Variants in MAPK8 observed in about 807,000 individuals in gnomAD.
MAPK8 encodes the protein mitogen-activated protein kinase 8, also known as JUN N-terminal kinase.
MAPK8 carries 13 observed loss-of-function variants against 52.9 expected under a neutral mutation model. That is an observed-to-expected ratio of 0.25 (90% CI 0.16 to 0.39). The LOEUF is 0.39. Ranked by LOEUF, MAPK8 falls within the 10% of genes least tolerant of loss-of-function variation. The pLI is 1.00. For missense variants in MAPK8, 300 were observed against 519.2 expected, an observed-to-expected ratio of 0.58 and a Z score of 4.10; for synonymous variants, 191 against 169.8, an observed-to-expected ratio of 1.12 and a Z score of -0.97.
chr10:48,385,936 A>G (rs2041286699), intron 1 of MAPK8, among the ~76,000 whole-genome samples: 1 of 152,158 alleles, frequency 6.6e-6, no homozygotes. Flanking sequence ...TTTGCCATGG[A>G]ATCTTTTTTT....
At chr10:48,380,217 G>A (rs1006848485) in intron 1 of MAPK8, among the ~76,000 whole-genome samples, 1 of 152,006 alleles carries the variant, frequency 6.6e-6, no homozygotes, top group Admixed American at 6.6e-5. Flanking sequence ...ACTCCACCCT[G>A]GGCAACAGAG....
intron 1 of MAPK8, among the ~76,000 whole-genome samples, chr10:48,400,399 C>G (rs1354914562): frequency 2.0e-5 from 3 of 152,120 alleles, no homozygotes. Context: ...ATTTTTAACT[C>G]CTTTAGGCCT....
intron 1 of MAPK8, among the ~76,000 whole-genome samples, chr10:48,384,020 G>A (rs2132764098): frequency 6.6e-6 from 1 of 152,274 alleles, no homozygotes; most frequent in Middle Eastern, 3.4e-3. Context: ...ACTTTGGGAG[G>A]CCAAGGCAGG....
intron 1 of MAPK8, among the ~76,000 whole-genome samples, chr10:48,393,663 G>C (rs1401989125): frequency 2.0e-5 from 3 of 152,040 alleles, no homozygotes; most frequent in Non-Finnish European, 2.9e-5. Flanking sequence ...TAAAGTGTCT[G>C]CTTTATTGTT....
chr10:48,381,930 T>C (rs2041029670), intron 1 of MAPK8, among the ~76,000 whole-genome samples: 1 of 152,126 alleles, frequency 6.6e-6, no homozygotes, highest in African/African-American at 2.4e-5. Flanking sequence ...CCAAGTATGA[T>C]TATGAAGGGG....
chr10:48,334,662 C>T (rs2132279687), intron 1 of MAPK8, among the ~76,000 whole-genome samples: 1 of 152,258 alleles, frequency 6.6e-6, no homozygotes, highest in Middle Eastern at 3.4e-3. Flanking sequence ...GATTCATCTC[C>T]CTTTTCGGCC....
chr10:48,393,264 C>T (rs1486141680), intron 1 of MAPK8, among the ~76,000 whole-genome samples: 1 of 151,744 alleles, frequency 6.6e-6, no homozygotes, highest in African/African-American at 2.4e-5. Context: ...TTGATATTTC[C>T]ATTTGAATGT....
intron 1 of MAPK8, among the ~76,000 whole-genome samples, chr10:48,357,235 T>C (rs1392416264): frequency 6.6e-6 from 1 of 152,224 alleles, no homozygotes; most frequent in Non-Finnish European, 1.5e-5. Flanking sequence ...GTTTCACATC[T>C]GTAACATCTG....
intron 1 of MAPK8, among the ~76,000 whole-genome samples, chr10:48,356,841 C>CAAAAAAAAAAAAAAAAAAAAAAAA (rs869186711): frequency 3.3e-5 from 1 of 30,268 alleles, no homozygotes; most frequent in Non-Finnish European, 6.6e-5. Flanking sequence ...GACTCCGTCT[C>CAAAAAAAAAAAAAAAAAAAAAAAA]AAAAAAAAAA....
intron 9 of MAPK8, 161 bp downstream of exon 9, chr10:48,426,665 C>T: frequency 1.5e-6 from 1 of 676,198 alleles, no homozygotes; most frequent in Non-Finnish European, 2.4e-6. Context: ...AACTAATGAA[C>T]ATATTCGAGC....
intron 1 of MAPK8, among the ~76,000 whole-genome samples, chr10:48,372,175 GA>G (rs2040369538): frequency 6.6e-6 from 1 of 151,970 alleles, no homozygotes; most frequent in Admixed American, 6.6e-5. Flanking sequence ...GAGTAGGACC[GA>G]AAGTTTCAAC....
At chr10:48,402,112 C>G (rs1053804909) in intron 2 of MAPK8, among the ~76,000 whole-genome samples, 1 of 152,098 alleles carries the variant, frequency 6.6e-6, no homozygotes, top group African/African-American at 2.4e-5. Context: ...TCAGTGCCCC[C>G]AAAATTTAGA....
intron 1 of MAPK8, among the ~76,000 whole-genome samples, chr10:48,382,278 A>G (rs2041049022): frequency 6.6e-6 from 1 of 152,230 alleles, no homozygotes; most frequent in Non-Finnish European, 1.5e-5. Context: ...GTCTGAAGAC[A>G]TTCTAATTTT....
At chr10:48,346,532 T>C (rs553979919) in intron 1 of MAPK8, among the ~76,000 whole-genome samples, 1 of 152,306 alleles carries the variant, frequency 6.6e-6, no homozygotes, top group Admixed American at 6.5e-5. Flanking sequence ...CACCCGCTCC[T>C]TAGCAGACTG....
rs552387686 is a variant in MAPK8, at chr10:48,435,945, C to A, written c.*916C>A. On this transcript the variant is annotated 3_prime_UTR_variant, in exon 12 of 12. Transcript: ENST00000374189. ...TCAGGCTGTAGGTCCCAGCAATGTT[C>A]TAGAGTCTGGTCTTTCCCTTTCCTG... The A allele has an allele frequency of 1.3e-5, 2 of 152,354 alleles. No homozygotes were observed. Among genetic ancestry groups the A allele is most frequent in the African/African-American group, 4.8e-5 (2 of 41,582 alleles). The allele number at this position is 152,354 out of a possible 1,614,324, so 9.4% of individuals were successfully genotyped here. A position where few individuals can be genotyped will look rare whatever the true frequency, so the allele number is the denominator to read the frequency against.
At chr10:48,394,753 A>C (rs1589170329) in intron 1 of MAPK8, among the ~76,000 whole-genome samples, 3 of 151,998 alleles carry the variant, frequency 2.0e-5, no homozygotes, top group Admixed American at 2.0e-4. Context: ...AAGAATTCAA[A>C]GGCATTCAAA....
chr10:48,346,639 C>G (rs541314044), intron 1 of MAPK8, among the ~76,000 whole-genome samples: 20 of 152,274 alleles, frequency 1.3e-4, no homozygotes, highest in African/African-American at 4.8e-4. Flanking sequence ...TCAGGCTCTC[C>G]CACAGTTATC....
chr10:48,330,454 CTG>C (rs1844018474), intron 1 of MAPK8, among the ~76,000 whole-genome samples: 1 of 152,142 alleles, frequency 6.6e-6, no homozygotes, highest in Non-Finnish European at 1.5e-5. Flanking sequence ...TGGCAACAGA[CTG>C]TATAGAAGCA....
At chr10:48,425,834 A>ATACATT in intron 7 of MAPK8, 54 bp from the exon 8 acceptor site, 1 of 984,232 alleles carries the variant, frequency 1.0e-6, no homozygotes, top group Non-Finnish European at 1.5e-6. Flanking sequence ...TATGAATATG[A>ATACATT]CTAATGTATT....
Sources: allele counts gnomAD v4.1 joint callset (sites outside exome capture counted in the v4.1 genomes callset), GRCh38; gene constraint gnomAD v4.1.1; transcripts MANE v1.5; gene names NCBI Gene and HGNC (gene_info 2026-07-23, HGNC 2026-07-21).